The following A2ML1 variants were observed in gnomAD, a reference collection of about 807,000 sequenced individuals.
A2ML1 encodes alpha-2-macroglobulin-like protein 1.
Under a neutral mutation model 181.9 loss-of-function variants are expected in A2ML1, and 161 were observed. That is an observed-to-expected ratio of 0.89 (90% CI 0.78 to 1.01). The LOEUF is 1.01. A2ML1 is among the 50% of genes least tolerant of loss of function. The pLI is 0.00. For missense variants in A2ML1, 1,670 were observed against 1,768.1 expected (o/e 0.94, Z 1.00); for synonymous variants, 663 against 666.8 (o/e 0.99, Z 0.09).
At chr12:8,880,122 G>T (rs1481112231), downstream of A2ML1, among the ~76,000 whole-genome samples, 2 of 152,190 alleles carry the variant, frequency 1.3e-5, no homozygotes, top group African/African-American at 2.4e-5. Context: ...CCAGCACCTT[G>T]GGAGGCCGAG....
rs377551636 is a variant in A2ML1, at chr12:8,835,563, T to C, written c.540T>C (p.Ile180=). 1.9e-6 allele frequency: 3 copies of C among 1,614,140 alleles called. No individual in the cohort carries two copies. The highest frequency in any genetic ancestry group is 1.6e-4 in the Middle Eastern group (1 of 6,062). ...TGGAAGTGGTACCTGAGCAAGGCAT[T>C]GTAGACCTGTCCTTCCAACTGGCAC... ...QWLEVVPEQG[I]VDLSFQLAPE... Residue 180 remains isoleucine, a synonymous_variant, in exon 6 of 36, where the codon ATT becomes ATC. Transcript: ENST00000299698.
intron 22 of A2ML1, among the ~76,000 whole-genome samples, chr12:8,855,279 T>G (rs1944024724): frequency 6.6e-6 from 1 of 152,098 alleles, no homozygotes; most frequent in Non-Finnish European, 1.5e-5. Flanking sequence ...TGGGGCTGAT[T>G]AACTGGGAGG....
intron 4 of A2ML1, among the ~76,000 whole-genome samples, chr12:8,833,203 C>T (rs1210974821): frequency 6.6e-6 from 1 of 151,994 alleles, no homozygotes; most frequent in Non-Finnish European, 1.5e-5. Flanking sequence ...AAACTCCTGA[C>T]CTCAGGTGAT....
chr12:8,831,859 C>T (rs1249109760), intron 4 of A2ML1, among the ~76,000 whole-genome samples: 2 of 152,098 alleles, frequency 1.3e-5, no homozygotes, highest in African/African-American at 2.4e-5. Flanking sequence ...AAGTGATTCT[C>T]CTGCCTCAGC....
intron 4 of A2ML1, among the ~76,000 whole-genome samples, chr12:8,830,279 T>G (rs183043159): frequency 3.2e-4 from 49 of 152,270 alleles, no homozygotes; most frequent in African/African-American, 1.2e-3. Flanking sequence ...CTCAAACTCC[T>G]GACCTCAAGT....
intron 17 of A2ML1, 62 bp downstream of exon 17, chr12:8,849,821 T>C: frequency 2.0e-6 from 3 of 1,492,104 alleles, no homozygotes; most frequent in Non-Finnish European, 2.8e-6. Context: ...ACTCTGCAGA[T>C]TTCCTCTTGC....
At position 8,841,509 on chromosome 12, in the gene A2ML1, T is replaced by C. The variant is rs1412780396; in HGVS notation, c.1221T>C (p.Gly407=). 7 of 1,614,054 alleles carry C rather than the reference T, an allele frequency of 4.3e-6. No individual in the cohort carries two copies. Among genetic ancestry groups the C allele is most frequent in the Non-Finnish European group, 5.1e-6 (6 of 1,180,010 alleles). Reference sequence around the variant, plus strand: ...CTCCCTTTACCTTGGAGACATCCGGTTGGAATGGGACAGACGTTTCTCTGG... The same window carrying C: ...CTCCCTTTACCTTGGAGACATCCGGCTGGAATGGGACAGACGTTTCTCTGG... ...GLAPFTLETS[G]WNGTDVSLEG... The change falls in exon 11 of 36, where the codon GGT becomes GGC. Residue 407 remains glycine (G), a synonymous_variant. Transcript: ENST00000299698.
At position 8,835,598 on chromosome 12, in the gene A2ML1, T is replaced by TG. The variant is rs1341921260; in HGVS notation, c.576dup (p.Leu193AlafsTer10). On this transcript the variant is annotated frameshift_variant, in exon 6 of 36. Transcript: ENST00000299698. LOFTEE classifies it high-confidence loss of function. Reference sequence around the variant, plus strand: ...TCCTTCCAACTGGCACCAGAGGCAATGCTGGGCACCTACACTGTGGCAGTG... The same window carrying TG: ...TCCTTCCAACTGGCACCAGAGGCAATGGCTGGGCACCTACACTGTGGCAGTG... 3.7e-6 allele frequency: 6 copies of TG among 1,614,078 alleles called. No homozygotes were observed. The highest frequency in any genetic ancestry group is 4.2e-6 in the Non-Finnish European group (5 of 1,180,038).
chr12:8,822,842 T>G, intron 1 of A2ML1, 129 bp downstream of exon 1: 1 of 852,474 alleles, frequency 1.2e-6, no homozygotes, highest in Non-Finnish European at 1.9e-6. Flanking sequence ...TTTTCTCTTC[T>G]TTGGTTCCAC....
At chr12:8,845,725 C>G (rs1343970535) in intron 13 of A2ML1, among the ~76,000 whole-genome samples, 1 of 151,854 alleles carries the variant, frequency 6.6e-6, no homozygotes, top group Non-Finnish European at 1.5e-5. Context: ...GGGCGGGCCC[C>G]TGTAGTCCCA....
chr12:8,851,642 G>A (rs1016549926), intron 18 of A2ML1, 142 bp from the exon 19 acceptor site: 1 of 743,038 alleles, frequency 1.3e-6, no homozygotes, highest in African/African-American at 1.8e-5. Context: ...CTGGGCTGAA[G>A]CTATCTGCTC....
At chr12:8,836,618 G>A (rs957973097) in intron 7 of A2ML1, among the ~76,000 whole-genome samples, 10 of 151,820 alleles carry the variant, frequency 6.6e-5, no homozygotes, top group Non-Finnish European at 1.5e-4. Context: ...AGAGTAGCTG[G>A]GATCACAGGC....
chr12:8,871,589 AGG>A (rs10559991), intron 33 of A2ML1, among the ~76,000 whole-genome samples: 7,006 of 152,106 alleles, frequency 0.046, 500 homozygotes, highest in African/African-American at 0.16. Context: ...CTGGAGTTAT[AGG>A]TGTGAGCCAC....
intron 7 of A2ML1, chr12:8,886,436 T>C (rs1324679212): frequency 6.6e-6 from 1 of 152,206 alleles, no homozygotes; most frequent in Non-Finnish European, 1.5e-5. Context: ...TAATTTCCTA[T>C]TTATTTTGTA....
chr12:8,839,342 A>G (rs143955801), intron 10 of A2ML1, 120 bp downstream of exon 10: 1 of 610,088 alleles, frequency 1.6e-6, no homozygotes, highest in African/African-American at 1.9e-5. Flanking sequence ...ATGTGTATTC[A>G]TTTTAATCTT....
intron 10 of A2ML1, 23 bp from the exon 11 acceptor site, chr12:8,841,346 C>T (rs760905677): frequency 8.2e-5 from 132 of 1,607,430 alleles, no homozygotes; most frequent in Non-Finnish European, 1.1e-4. Context: ...TAATTCTAAT[C>T]CGTAATGATC....
At chr12:8,869,632 G>T (rs988746975) in intron 33 of A2ML1, among the ~76,000 whole-genome samples, 5 of 150,840 alleles carry the variant, frequency 3.3e-5, no homozygotes, top group African/African-American at 4.9e-5. Context: ...TACACTGTCA[G>T]TGCATCTCAA....
downstream of A2ML1, among the ~76,000 whole-genome samples, chr12:8,880,008 GAAAC>G (rs752201809): frequency 9.9e-4 from 150 of 152,212 alleles, no homozygotes; most frequent in African/African-American, 3.4e-3. Flanking sequence ...AGGGAGGAAG[GAAAC>G]AAACAAATTA....
At chr12:8,846,932 T>C (rs1178643081) in intron 14 of A2ML1, among the ~76,000 whole-genome samples, 1 of 151,642 alleles carries the variant, frequency 6.6e-6, no homozygotes, top group East Asian at 1.9e-4. Context: ...CGAGACCCTG[T>C]CTATTTTTTT....
Sources: gnomAD v4.1 joint callset for allele counts (sites outside exome capture counted in the v4.1 genomes callset) on GRCh38, gnomAD v4.1.1 for gene constraint, MANE v1.5 for transcripts, NCBI Gene and HGNC (gene_info 2026-07-23, HGNC 2026-07-21) for gene names.